Variants in KCNG4 observed in about 807,000 individuals in gnomAD.
KCNG4 encodes the protein voltage-gated potassium channel regulatory subunit KCNG4.
KCNG4 carries 30 observed loss-of-function variants against 28.2 expected under a neutral mutation model. The ratio of observed to expected loss-of-function variants is 1.06; its 90% CI spans 0.80 to 1.44. The LOEUF is 1.44. Among genes scored for constraint, KCNG4 ranks in the 40% most tolerant of loss-of-function variants. KCNG4 has a pLI of 0.00. For synonymous variants in KCNG4, 375 were observed against 315.5 expected (o/e 1.19, Z -2.00); for missense variants, 879 against 712.3 (o/e 1.23, Z -2.66).
In KCNG4 at chr16:84,222,954, G is replaced by A. The variant is rs1044266962; in HGVS notation, c.823C>T (p.Leu275=). 14 of 1,578,094 alleles carry A rather than the reference G, an allele frequency of 8.9e-6. No homozygotes were observed. The highest frequency in any genetic ancestry group is 5.4e-5 in the African/African-American group (4 of 73,636). The change falls in exon 3 of 3, where the codon CTG becomes TTG. Residue 275 remains leucine (L), a synonymous_variant. Transcript: ENST00000308251. ...VETICVAWFS[L]EFCLRFVQAQ... Reference sequence around the variant, plus strand: ...TGGACAAACCGCAGGCAGAACTCCAGGGAGAACCAGGCCACGCAGATGGTC... The same window carrying A: ...TGGACAAACCGCAGGCAGAACTCCAAGGAGAACCAGGCCACGCAGATGGTC...
At chr16:84,239,470 C>A (rs368414196) in intron 1 of KCNG4, among the ~76,000 whole-genome samples, 200 bp downstream of exon 1, 122 of 152,336 alleles carry the variant, frequency 8.0e-4, no homozygotes, top group African/African-American at 2.7e-3. Flanking sequence ...CTGAAAACTG[C>A]CCTTTCTGCA....
At position 84,219,045 on chromosome 16, in the gene KCNG4, G is replaced by C. The variant is rs1904494727; in HGVS notation, c.*3172C>G. 6.6e-6 allele frequency: 1 copy of C among 152,304 alleles called. No individual in the cohort carries two copies. Among genetic ancestry groups the C allele is most frequent in the Admixed American group, 6.5e-5 (1 of 15,290 alleles). The allele number at this position is 152,304 out of a possible 1,614,324, so 9.4% of individuals were successfully genotyped here. A position where few individuals can be genotyped will look rare whatever the true frequency, so the allele number is the denominator to read the frequency against. ...ACCTTCCAGTGGCTGTTTAGGCTTT[G>C]TCTCTGGTTCCAGAATGAGCTTACC... On this transcript the variant is annotated 3_prime_UTR_variant, in exon 3 of 3. Transcript: ENST00000308251.
intron 2 of KCNG4, among the ~76,000 whole-genome samples, chr16:84,229,047 C>T (rs1478896188): frequency 6.6e-6 from 1 of 151,970 alleles, no homozygotes; most frequent in Non-Finnish European, 1.5e-5. Flanking sequence ...GCCTGTAATC[C>T]CAGCACTTCG....
chr16:84,239,354 TGCAAAAAC>T, intron 1 of KCNG4, among the ~76,000 whole-genome samples: 1 of 152,288 alleles, frequency 6.6e-6, no homozygotes, highest in East Asian at 1.9e-4. Flanking sequence ...ATTTTCCCAG[TGCAAAAAC>T]CAAGACCCAG....
At chr16:84,225,433 T>C (rs1597616472) in intron 2 of KCNG4, among the ~76,000 whole-genome samples, 1 of 152,192 alleles carries the variant, frequency 6.6e-6, no homozygotes, top group Non-Finnish European at 1.5e-5. Flanking sequence ...GGGTGCTTGT[T>C]GTAAATGCAG....
At chr16:84,227,507 G>A (rs1422716459) in intron 2 of KCNG4, among the ~76,000 whole-genome samples, 5 of 152,158 alleles carry the variant, frequency 3.3e-5, no homozygotes, top group African/African-American at 1.2e-4. Flanking sequence ...AACTCAGGAG[G>A]TGGAGGTTGC....
rs747441336 is a variant in KCNG4, at chr16:84,222,640, G to A, written c.1137C>T (p.Ala379=). The change falls in exon 3 of 3, where the codon GCC becomes GCT. Residue 379 remains alanine, a synonymous_variant. Coordinates refer to ENST00000308251, the MANE Select transcript of KCNG4 (RefSeq NM_172347.3). ...REFGLLLLFL[A]VAITLFSPLV... is the part of the protein sequence containing the mutation. ...AAGGGGAGAAGAGGGTGATGGCCAC[G>A]GCCAGGAAGAGAAGGAGCAGGCCGA... 40 of 1,613,200 alleles carry A rather than the reference G, an allele frequency of 2.5e-5. No individual in the cohort carries two copies. Among genetic ancestry groups the A allele is most frequent in the African/African-American group, 5.3e-5 (4 of 74,946 alleles).
rs751804185 is a variant in KCNG4 at position 84,222,729 on chromosome 16, G to T, written c.1048C>A (p.Leu350Met). The T allele has an allele frequency of 3.2e-5, 52 of 1,612,794 alleles. No individual in the cohort carries two copies. Among genetic ancestry groups the T allele is most frequent in the Non-Finnish European group, 4.3e-5 (51 of 1,179,598 alleles). The change falls in exon 3 of 3, where the codon CTG becomes ATG. Residue 350 changes from leucine (L) to methionine (M), a missense_variant. By Grantham distance (15) the Leu-to-Met change is conservative. Coordinates refer to ENST00000308251, the MANE Select transcript of KCNG4 (RefSeq NM_172347.3). ...RALRILYVMR[L>M]ARHSLGLQTL... ...TGCAGCCCCAGCGAGTGGCGAGCCA[G>T]GCGCATCACGTAGAGGATGCGCAGC...
In KCNG4 at chr16:84,237,424, C is replaced by T. The variant is rs1485042943; in HGVS notation, c.62G>A (p.Ser21Asn). Residue 21 changes from serine (S) to asparagine (N), a missense_variant, in exon 2 of 3, where the codon AGC (serine) becomes AAC (asparagine). Physicochemically the swap from Ser to Asn is conservative, Grantham distance 46 (BLOSUM62 1). Coordinates refer to ENST00000308251, the MANE Select transcript of KCNG4 (RefSeq NM_172347.3). Reference protein sequence around the residue: ...HPRHHHYGSHSPWSQLLSSPM... With the variant: ...HPRHHHYGSHNPWSQLLSSPM... ...GCTGGACAGGAGCTGACTCCAAGGGCTGTGGGAACCATAGTGGTGGTGTCT... is the reference window on the plus strand; with the variant it reads ...GCTGGACAGGAGCTGACTCCAAGGGTTGTGGGAACCATAGTGGTGGTGTCT... 8 of 1,516,570 alleles carry T rather than the reference C, an allele frequency of 5.3e-6. No individual in the cohort carries two copies. The highest frequency in any genetic ancestry group is 7.1e-6 in the Non-Finnish European group (8 of 1,133,798). 93.9% of individuals were successfully genotyped at this position (1,516,570 alleles called of 1,614,324 possible).
In KCNG4 at chr16:84,221,895, C is replaced by A. The variant is rs1904570894; in HGVS notation, c.*322G>T. The A allele has an allele frequency of 5.8e-6, 2 of 345,344 alleles. No individual in the cohort carries two copies. The highest frequency in any genetic ancestry group is 1.1e-5 in the Non-Finnish European group (2 of 187,930). The allele number at this position is 345,344 out of a possible 1,614,324, so 21.4% of individuals were successfully genotyped here. A position where few individuals can be genotyped will look rare whatever the true frequency, so the allele number is the denominator to read the frequency against. On this transcript the variant is annotated 3_prime_UTR_variant, in exon 3 of 3. Transcript: ENST00000308251. ...TACCAGTTCTATGGGCATCCAGAAC[C>A]CAGCCTGGGATGTTAAAGCCTCTGC...
chr16:84,224,292 C>T (rs906500443), intron 2 of KCNG4, among the ~76,000 whole-genome samples: 1 of 151,926 alleles, frequency 6.6e-6, no homozygotes, highest in Non-Finnish European at 1.5e-5. Flanking sequence ...CAGGGTCCTC[C>T]CAAGATTCTA....
At chr16:84,236,395 C>T (rs947256411) in intron 2 of KCNG4, 11 of 427,288 alleles carry the variant, frequency 2.6e-5, no homozygotes, top group South Asian at 5.2e-5. Flanking sequence ...GAGGAGGTGG[C>T]GTGATTTGCC....
intron 2 of KCNG4, among the ~76,000 whole-genome samples, chr16:84,235,167 C>A (rs935640204): frequency 6.6e-6 from 1 of 152,130 alleles, no homozygotes; most frequent in African/African-American, 2.4e-5. Context: ...TCATACCCTG[C>A]GTAATTTTCA....
intron 2 of KCNG4, among the ~76,000 whole-genome samples, chr16:84,232,389 G>A (rs928873461): frequency 3.3e-5 from 5 of 152,224 alleles, no homozygotes; most frequent in African/African-American, 7.2e-5. Context: ...AATTCATGGA[G>A]ATAGAAAGCA....
intron 2 of KCNG4, chr16:84,236,419 T>A: frequency 2.2e-6 from 1 of 452,906 alleles, no homozygotes; most frequent in Non-Finnish European, 3.9e-6. Flanking sequence ...AGTCACAGAC[T>A]CGGGAGAGCT....
chr16:84,224,421 C>CAA (rs1904652165), intron 2 of KCNG4, among the ~76,000 whole-genome samples: 1 of 36,048 alleles, frequency 2.8e-5, no homozygotes, highest in African/African-American at 1.1e-4. Context: ...CACACACACA[C>CAA]ACACACACAC....
rs753153550 is a variant in KCNG4, at chr16:84,222,202, A to AC, written c.*14_*15insG. 10 of 1,612,730 alleles carry AC rather than the reference A, an allele frequency of 6.2e-6. No homozygotes were observed. The highest frequency in any genetic ancestry group is 7.6e-6 in the Non-Finnish European group (9 of 1,179,240). On this transcript the variant is annotated 3_prime_UTR_variant, in exon 3 of 3. Transcript: ENST00000308251. Reference sequence around the variant, plus strand: ...GATGGGTTGAGGTTACCATGTAGTCATGGGGGGTGCTGAGTTACATGTGCA... The same window carrying AC: ...GATGGGTTGAGGTTACCATGTAGTCACTGGGGGGTGCTGAGTTACATGTGCA...
chr16:84,224,389 T>A (rs111448835), intron 2 of KCNG4, among the ~76,000 whole-genome samples: 1 of 139,754 alleles, frequency 7.2e-6, no homozygotes, highest in Non-Finnish European at 1.6e-5. Context: ...GTAGAAAACT[T>A]TGCTATACAT....
intron 2 of KCNG4, among the ~76,000 whole-genome samples, chr16:84,224,045 T>G (rs944277400): frequency 6.6e-6 from 1 of 152,132 alleles, no homozygotes; most frequent in Non-Finnish European, 1.5e-5. Flanking sequence ...CACCAGTCCT[T>G]CTGCCACTCA....
Sources: gnomAD v4.1 joint callset for allele counts (sites outside exome capture counted in the v4.1 genomes callset) on GRCh38, gnomAD v4.1.1 for gene constraint, MANE v1.5 for transcripts, NCBI Gene and HGNC (gene_info 2026-07-23, HGNC 2026-07-21) for gene names.